CGNL1: variants seen among roughly 807,000 people sequenced by gnomAD.
CGNL1 encodes cingulin-like protein 1.
CGNL1 carries 132 observed loss-of-function variants against 141.2 expected under a neutral mutation model. The ratio of observed to expected loss-of-function variants is 0.93; its 90% confidence interval spans 0.81 to 1.08. The LOEUF is 1.08. Ranked by LOEUF, CGNL1 falls within the 50% of genes least tolerant of loss-of-function variation. CGNL1 has a pLI of 0.00. For synonymous variants in CGNL1, 690 were observed against 622.1 expected (o/e 1.11, Z -1.63); for missense variants, 1,870 against 1,588.6 (o/e 1.18, Z -3.01).
intron 1 of CGNL1, chr15:57,393,833 A>G (rs1304385006): frequency 6.6e-6 from 1 of 152,166 alleles, no homozygotes; most frequent in African/African-American, 2.4e-5. Context: ...TGAATTCTGC[A>G]TCTGCATCAG....
chr15:57,478,364 G>A (rs2063682947), intron 8 of CGNL1: 1 of 152,264 alleles, frequency 6.6e-6, no homozygotes, highest in South Asian at 2.1e-4. Flanking sequence ...TAAATTCACA[G>A]CTTTTGTTTC....
intron 4 of CGNL1, among the ~76,000 whole-genome samples, chr15:57,450,565 C>T (rs888592515): frequency 6.6e-6 from 1 of 152,196 alleles, no homozygotes; most frequent in Admixed American, 6.5e-5. Context: ...CATGAGCCGC[C>T]CCACCCAGCC....
intron 1 of CGNL1, among the ~76,000 whole-genome samples, chr15:57,418,273 C>T (rs2062872283): frequency 6.6e-6 from 1 of 152,168 alleles, no homozygotes; most frequent in Non-Finnish European, 1.5e-5. Flanking sequence ...CTGTGGCTTC[C>T]TATGGCTAAA....
intron 8 of CGNL1, among the ~76,000 whole-genome samples, chr15:57,484,122 A>G (rs1372823528): frequency 1.3e-5 from 2 of 152,228 alleles, no homozygotes; most frequent in African/African-American, 4.8e-5. Flanking sequence ...ACATCATTAA[A>G]TGAGCTGAGA....
At chr15:57,453,657 G>A in intron 6 of CGNL1, 26 bp from the exon 7 acceptor site, 1 of 1,612,684 alleles carries the variant, frequency 6.2e-7, no homozygotes, top group Non-Finnish European at 8.5e-7. Context: ...AGAAGAGCCT[G>A]TCTAATGGGC....
In CGNL1 at chr15:57,405,630, T is replaced by C. The variant is rs544764391; in HGVS notation, c.-16+29063T>C. Among the ~76,000 whole-genome samples, 6 of 152,316 alleles carry C rather than the reference T, an allele frequency of 3.9e-5. 1 individual carries two copies. Among genetic ancestry groups the C allele is most frequent in the Admixed American group, 6.5e-5 (1 of 15,294 alleles). ...GGATCCTGAGAAGGCAGTTCATTCA[T>C]AGGGCTCTTTCTGTGCCTTCTTATG... On this transcript the variant is annotated intron_variant, in intron 1 of 18. Coordinates refer to ENST00000281282, the MANE Select transcript of CGNL1 (RefSeq NM_032866.5).
intron 1 of CGNL1, among the ~76,000 whole-genome samples, chr15:57,383,987 T>G (rs1341146687): frequency 1.3e-5 from 2 of 148,876 alleles, no homozygotes; most frequent in Non-Finnish European, 3.0e-5. Flanking sequence ...GGGGCTTAAA[T>G]GCATTTGGTC....
intron 1 of CGNL1, among the ~76,000 whole-genome samples, chr15:57,415,857 CCAGAAAAGGGAA>C (rs1321150871): frequency 6.6e-6 from 1 of 152,194 alleles, no homozygotes; most frequent in Admixed American, 6.5e-5. Flanking sequence ...AGTAGCTCTG[CCAGAAAAGGGAA>C]CAAGGTTAGT....
At chr15:57,466,319 A>C (rs749281758) in intron 8 of CGNL1, among the ~76,000 whole-genome samples, 17 of 152,142 alleles carry the variant, frequency 1.1e-4, no homozygotes, top group Admixed American at 2.6e-4. Flanking sequence ...ATGGGCGCTC[A>C]ATAGGGATGT....
In CGNL1 at chr15:57,426,039, G is replaced by A. The variant is rs552795582; in HGVS notation, c.-15-11946G>A. ...ATGTAGGCAGGGACCCCCCTCCCCC[G>A]CCACAATTCTAACTTGTGCCCCAGG... On this transcript the variant is annotated intron_variant, in intron 1 of 18. Transcript: ENST00000281282. Among the ~76,000 whole-genome samples, 42 of 152,058 alleles carry A rather than the reference G, an allele frequency of 2.8e-4. No homozygotes were observed. In the East Asian group the frequency reaches 3.1e-3, roughly 11 times the overall value.
intron 7 of CGNL1, among the ~76,000 whole-genome samples, chr15:57,454,350 T>C (rs1463389430): frequency 1.3e-5 from 2 of 152,202 alleles, no homozygotes; most frequent in African/African-American, 4.8e-5. Context: ...TGTGTTAATA[T>C]TTAATTTTCT....
At chr15:57,449,669 A>G (rs750650712) in intron 4 of CGNL1, among the ~76,000 whole-genome samples, 6 of 152,222 alleles carry the variant, frequency 3.9e-5, no homozygotes, top group South Asian at 2.1e-4. Flanking sequence ...ATTTAGTATC[A>G]TAAAGAATAG....
At chr15:57,419,643 A>G (rs11856950) in intron 1 of CGNL1, among the ~76,000 whole-genome samples, 1 of 152,098 alleles carries the variant, frequency 6.6e-6, no homozygotes, top group South Asian at 2.1e-4. Context: ...TGGGGCTTCT[A>G]TGTGGGAGGA....
At chr15:57,446,916 G>A (rs761650828) in intron 4 of CGNL1, among the ~76,000 whole-genome samples, 3 of 151,572 alleles carry the variant, frequency 2.0e-5, no homozygotes, top group Admixed American at 6.6e-5. Context: ...CACTACTATC[G>A]TACGGTTTAA....
chr15:57,446,921 G>A (rs1409045710), intron 4 of CGNL1, among the ~76,000 whole-genome samples: 3 of 151,884 alleles, frequency 2.0e-5, no homozygotes, highest in African/African-American at 7.3e-5. Flanking sequence ...CTATCGTACG[G>A]TTTAAATACT....
intron 4 of CGNL1, among the ~76,000 whole-genome samples, chr15:57,443,137 C>G (rs978113104): frequency 6.6e-6 from 1 of 152,176 alleles, no homozygotes; most frequent in African/African-American, 2.4e-5. Flanking sequence ...AGACTGGTGA[C>G]ACTGATCAGC....
chr15:57,423,331 A>G lies in CGNL1; in HGVS notation c.-15-14654A>G, dbSNP rs112814653. ...TTATATCTTTTTATTTGTACCCCCA[A>G]CCCCCATGGCTGTAAACACATCCCT... On this transcript the variant is annotated intron_variant, in intron 1 of 18. Coordinates refer to ENST00000281282, the MANE Select transcript of CGNL1 (RefSeq NM_032866.5). 1.8e-3 allele frequency among the ~76,000 whole-genome samples: 272 copies of G among 152,116 alleles called. 1 individual carries two copies. The highest frequency in any genetic ancestry group is 6.1e-3 in the African/African-American group (252 of 41,478).
chr15:57,405,292 T>A (rs962015935), intron 1 of CGNL1: 9 of 152,210 alleles, frequency 5.9e-5, no homozygotes, highest in Non-Finnish European at 1.2e-4. Context: ...CGTTAACATA[T>A]CATTGTTTCC....
intron 8 of CGNL1, among the ~76,000 whole-genome samples, chr15:57,463,730 A>AG (rs2063474518): frequency 6.6e-6 from 1 of 152,252 alleles, no homozygotes; most frequent in African/African-American, 2.4e-5. Context: ...ATGGTAGGGA[A>AG]GAAGTCCCTT....
Sources: allele counts gnomAD v4.1 joint callset (sites outside exome capture counted in the v4.1 genomes callset), GRCh38; gene constraint gnomAD v4.1.1; transcripts MANE v1.5; gene names NCBI Gene and HGNC (gene_info 2026-07-23, HGNC 2026-07-21).